The following MAGI1 variants were observed in gnomAD, a reference collection of about 807,000 sequenced individuals.
MAGI1 encodes the protein membrane associated guanylate kinase, WW and PDZ domain containing 1.
A neutral mutation model predicts 139.9 loss-of-function variants in MAGI1; 58 were observed. That is an observed-to-expected ratio of 0.41 (90% confidence interval 0.34 to 0.52). The LOEUF is 0.52. Ranked by LOEUF, MAGI1 falls within the 20% of genes least tolerant of loss-of-function variation. MAGI1 has a pLI of 0.12. For synonymous variants in MAGI1, 812 were observed against 737.9 expected (o/e 1.10, Z -1.63); for missense variants, 1,874 against 1,901.6 (o/e 0.99, Z 0.27).
intron 1 of MAGI1, among the ~76,000 whole-genome samples, chr3:65,971,685 G>A (rs542947376): frequency 7.4e-4 from 112 of 152,276 alleles, no homozygotes; most frequent in African/African-American, 2.6e-3. Context: ...AAGCAGACTC[G>A]GGCACATCAT....
chr3:65,697,399 A>G (rs2089298997), intron 1 of MAGI1, among the ~76,000 whole-genome samples: 1 of 147,940 alleles, frequency 6.8e-6, no homozygotes, highest in Non-Finnish European at 1.5e-5. Flanking sequence ...TCTGATACCA[A>G]AGCCAGGCAG....
chr3:65,893,628 T>C (rs2060854986), intron 1 of MAGI1, among the ~76,000 whole-genome samples: 4 of 152,180 alleles, frequency 2.6e-5, no homozygotes, highest in Non-Finnish European at 5.9e-5. Flanking sequence ...TTGCCCCAGG[T>C]TACACAGTTA....
At chr3:65,453,022 T>A (rs999212930) in intron 6 of MAGI1, 9 of 486,514 alleles carry the variant, frequency 1.8e-5, no homozygotes, top group Non-Finnish European at 3.3e-5. Flanking sequence ...TTCTGACTGT[T>A]CTGCTTCTAA....
intron 2 of MAGI1, among the ~76,000 whole-genome samples, chr3:65,609,276 CTT>C (rs201118711): frequency 6.7e-6 from 1 of 148,840 alleles, no homozygotes; most frequent in Non-Finnish European, 1.5e-5. Flanking sequence ...CTCTCTCTCT[CTT>C]TTTTTTGTTT....
chr3:65,356,763 T>C lies in MAGI1; in HGVS notation c.4004A>G (p.Asn1335Ser), dbSNP rs1940222675. The change falls in exon 23 of 23, where the codon AAC becomes AGC. Residue 1335 changes from asparagine to serine, a missense_variant. This residue lies in a region of MAGI1 where 653 missense variants were observed against 644.5 expected (regional missense o/e 1.01). Transcript: ENST00000402939. ...KRREGTRSAD[N>S]TLERREKHEK... ...GTGCTTCTCCCTCCTCTCCAAAGTGTTGTCGGCGCTGCGGGTGCCCTCCCT... is the reference window on the plus strand; with the variant it reads ...GTGCTTCTCCCTCCTCTCCAAAGTGCTGTCGGCGCTGCGGGTGCCCTCCCT... The C allele has an allele frequency of 6.2e-7, 1 of 1,604,370 alleles. No homozygotes were observed. The highest frequency in any genetic ancestry group is 1.3e-5 in the African/African-American group (1 of 74,670).
At chr3:65,980,627 T>C (rs891500206) in intron 1 of MAGI1, among the ~76,000 whole-genome samples, 3 of 150,718 alleles carry the variant, frequency 2.0e-5, no homozygotes, top group Non-Finnish European at 2.9e-5. Context: ...TGCTTATCAG[T>C]AGCTGAGGTG....
intron 14 of MAGI1, among the ~76,000 whole-genome samples, chr3:65,389,134 C>T (rs1408710697): frequency 7.2e-5 from 11 of 152,160 alleles, no homozygotes; most frequent in South Asian, 6.2e-4. Flanking sequence ...TGAGCCGTGG[C>T]GCCTGGCCCC....
intron 16 of MAGI1, among the ~76,000 whole-genome samples, chr3:65,381,529 T>C (rs1227847515): frequency 1.3e-5 from 2 of 152,176 alleles, no homozygotes; most frequent in Non-Finnish European, 2.9e-5. Flanking sequence ...GATATGAAGC[T>C]ACAACTCTTC....
intron 1 of MAGI1, among the ~76,000 whole-genome samples, chr3:65,875,304 C>T (rs1310411144): frequency 1.3e-5 from 2 of 152,126 alleles, no homozygotes; most frequent in Admixed American, 6.5e-5. Flanking sequence ...TTAAGTTAGA[C>T]TTCAGAGATG....
At chr3:65,545,825 C>G (rs1223815800) in intron 2 of MAGI1, among the ~76,000 whole-genome samples, 1 of 151,974 alleles carries the variant, frequency 6.6e-6, no homozygotes, top group Non-Finnish European at 1.5e-5. Flanking sequence ...GGCACTTAGC[C>G]ATGGCGAGAA....
intron 1 of MAGI1, among the ~76,000 whole-genome samples, chr3:65,929,811 G>A (rs930560425): frequency 1.3e-5 from 2 of 152,068 alleles, no homozygotes; most frequent in Admixed American, 6.5e-5. Context: ...AATAATTCAG[G>A]GTAAGAAGCT....
intron 1 of MAGI1, among the ~76,000 whole-genome samples, chr3:65,700,747 T>C (rs896317053): frequency 5.9e-5 from 9 of 152,170 alleles, no homozygotes; most frequent in African/African-American, 2.2e-4. Context: ...CCTCAAAGGA[T>C]AGAAAATGTG....
At chr3:65,955,360 A>G (rs956494602) in intron 1 of MAGI1, among the ~76,000 whole-genome samples, 2 of 152,208 alleles carry the variant, frequency 1.3e-5, no homozygotes, top group Non-Finnish European at 2.9e-5. Context: ...AAACGTAATT[A>G]ATTGCAAATG....
At chr3:65,789,954 C>T (rs543920712) in intron 1 of MAGI1, among the ~76,000 whole-genome samples, 2 of 152,160 alleles carry the variant, frequency 1.3e-5, no homozygotes, top group Non-Finnish European at 2.9e-5. Context: ...AAAGCTCTTG[C>T]CCAGAGTGCT....
Position 66,025,780 on chromosome 3 carries a change from G to A in MAGI1, c.313+12216C>T, listed in dbSNP as rs1459453311. The stretch of plus-strand genomic sequence containing the variant: ...ATGTATTTCTCTGGGGTGGGATTAC[G>A]GGCAATTCGGACATATTTTTCTGCC... On this transcript the variant is annotated intron_variant, in intron 1 of 22. Coordinates refer to ENST00000402939, the MANE Select transcript of MAGI1 (RefSeq NM_001033057.2). Among the ~76,000 whole-genome samples the A allele has an allele frequency of 3.9e-5, 6 of 152,084 alleles. No homozygotes were observed. In the South Asian group the frequency reaches 8.3e-4, roughly 21 times the overall value.
At chr3:65,791,507 A>G (rs1442214384) in intron 1 of MAGI1, among the ~76,000 whole-genome samples, 2 of 152,238 alleles carry the variant, frequency 1.3e-5, no homozygotes, top group East Asian at 3.8e-4. Context: ...AATATTTATT[A>G]TACTGGAGGG....
chr3:65,686,769 T>C (rs1300887450), intron 1 of MAGI1, among the ~76,000 whole-genome samples: 2 of 152,322 alleles, frequency 1.3e-5, no homozygotes, highest in East Asian at 3.9e-4. Flanking sequence ...TCTTCCTTCA[T>C]TTCACATAAA....
At chr3:65,688,666 G>T (rs2088289901) in intron 1 of MAGI1, among the ~76,000 whole-genome samples, 1 of 152,088 alleles carries the variant, frequency 6.6e-6, no homozygotes, top group South Asian at 2.1e-4. Flanking sequence ...TCAAATGTTG[G>T]TATCCTTCTT....
intron 1 of MAGI1, among the ~76,000 whole-genome samples, chr3:66,006,805 GGTTTTGTTTTGTTTT>G (rs10529713): frequency 6.2e-4 from 92 of 147,890 alleles, no homozygotes; most frequent in African/African-American, 2.1e-3. Context: ...TGAAGAACAT[GGTTTTGTTTTGTTTT>G]GTTTTGTTTT....
Sources: allele counts gnomAD v4.1 joint callset (sites outside exome capture counted in the v4.1 genomes callset), GRCh38; gene constraint gnomAD v4.1.1; regional missense constraint gnomAD v4.1.1; transcripts MANE v1.5; gene names NCBI Gene and HGNC (gene_info 2026-07-23, HGNC 2026-07-21).